Variants in DCSTAMP observed in about 807,000 individuals in gnomAD.
The protein encoded by DCSTAMP is dendritic cell-specific transmembrane protein.
Under a neutral mutation model 33.8 loss-of-function variants are expected in DCSTAMP, and 25 were observed. The observed-to-expected ratio is 0.74, with a 90% CI of 0.54 to 1.03. The LOEUF (loss-of-function observed/expected upper bound fraction) is 1.03, where lower values mean the gene tolerates loss of function less well. Ranked by LOEUF, DCSTAMP falls within the 50% of genes least tolerant of loss-of-function variation. The pLI is 0.00. For missense variants in DCSTAMP, 531 were observed against 556.8 expected, an observed-to-expected ratio of 0.95 and a Z score of 0.47; for synonymous variants, 245 against 216.7, an observed-to-expected ratio of 1.13 and a Z score of -1.15.
At chr8:104,340,936 C>G (rs1048416178) in intron 1 of DCSTAMP, among the ~76,000 whole-genome samples, 9 of 152,204 alleles carry the variant, frequency 5.9e-5, no homozygotes, top group Non-Finnish European at 8.8e-5. Flanking sequence ...CCTGGGGTGT[C>G]TGCAGACTAT....
chr8:104,355,808 C>T (rs755146377), intron 3 of DCSTAMP, among the ~76,000 whole-genome samples: 208 of 152,198 alleles, frequency 1.4e-3, no homozygotes, highest in Non-Finnish European at 2.6e-3. Context: ...AACGAATTTG[C>T]TTAATAGATG....
chr8:104,351,270 G>A (rs1435351921), intron 2 of DCSTAMP, among the ~76,000 whole-genome samples: 1 of 152,220 alleles, frequency 6.6e-6, no homozygotes, highest in African/African-American at 2.4e-5. Flanking sequence ...TTTAAACCCA[G>A]AAATTGCCAG....
chr8:104,351,356 C>T (rs914549226), intron 2 of DCSTAMP, among the ~76,000 whole-genome samples: 2 of 152,186 alleles, frequency 1.3e-5, no homozygotes, highest in African/African-American at 4.8e-5. Flanking sequence ...GGGTTAAGTA[C>T]ACTAGCCCAG....
chr8:104,353,198 C>T lies in DCSTAMP; in HGVS notation c.1030-1679C>T, dbSNP rs114305947. Among the ~76,000 whole-genome samples, 950 of 152,302 alleles carry T rather than the reference C, an allele frequency of 6.2e-3. 7 individuals carry two copies. The highest frequency in any genetic ancestry group is 0.022 in the African/African-American group (894 of 41,550). On this transcript the variant is annotated intron_variant, in intron 2 of 3. Transcript: ENST00000297581. ...TTAACTTTTCAGGACTGGCTGACAG[C>T]AGAGCCTGGCCTCCATTCATTGCTT...
Position 104,349,545 on chromosome 8 carries a change from G to T in DCSTAMP, c.993G>T (p.Leu331Phe). ...IFSVSKQFQS[L>F]PGFEVHLKLH... Reference sequence around the variant, plus strand: ...CAGTGAGCAAGCAGTTTCAAAGCTTGCCAGGGTTTGAGGTTCACTTGAAAC... The same window carrying T: ...CAGTGAGCAAGCAGTTTCAAAGCTTTCCAGGGTTTGAGGTTCACTTGAAAC... The change falls in exon 2 of 4, where the codon TTG becomes TTT. Residue 331 changes from leucine to phenylalanine, a missense_variant. Leu to Phe is a conservative substitution (Grantham distance 22). Transcript: ENST00000297581. The T allele has an allele frequency of 6.2e-7, 1 of 1,613,740 alleles. No individual in the cohort carries two copies. The highest frequency in any genetic ancestry group is 1.1e-5 in the South Asian group (1 of 90,940).
chr8:104,352,146 C>T (rs1035673828), intron 2 of DCSTAMP, among the ~76,000 whole-genome samples: 1 of 152,072 alleles, frequency 6.6e-6, no homozygotes, highest in Non-Finnish European at 1.5e-5. Flanking sequence ...GCCCCACTTG[C>T]CATTTCTCTC....
At position 104,349,428 on chromosome 8, in the gene DCSTAMP, C is replaced by T. The variant is rs1354858026; in HGVS notation, c.876C>T (p.Asn292=). The change falls in exon 2 of 4, where the codon AAC becomes AAT. Residue 292 remains asparagine (N), a synonymous_variant. Transcript: ENST00000297581. ...TFWPTPKERK[N]LGLFFLPILI... ...GGCCGACTCCTAAAGAAAGGAAAAA[C>T]CTGGGGCTGTTTTTCCTCCCCATAC... 1.6e-5 allele frequency: 26 copies of T among 1,614,026 alleles called. No homozygotes were observed. Among genetic ancestry groups the T allele is most frequent in the Non-Finnish European group, 2.1e-5 (25 of 1,180,022 alleles).
rs762635096 is a variant in DCSTAMP at position 104,349,067 on chromosome 8, C to G, written c.515C>G (p.Ala172Gly). 3.1e-6 allele frequency: 5 copies of G among 1,614,178 alleles called. No homozygotes were observed. The highest frequency in any genetic ancestry group is 4.2e-6 in the Non-Finnish European group (5 of 1,180,048). The change falls in exon 2 of 4, where the codon GCA becomes GGA. Residue 172 changes from alanine to glycine, a missense_variant. Transcript: ENST00000297581. Reference protein sequence around the residue: ...DDLVSWNQTLAVSLFSPSHVL... With the variant: ...DDLVSWNQTLGVSLFSPSHVL... ...CTTGTTTCTTGGAACCAGACCCTGG[C>G]AGTCTCTCTTTTCAGTCCCAGCCAT...
intron 1 of DCSTAMP, among the ~76,000 whole-genome samples, chr8:104,343,887 C>T (rs2099383413): frequency 6.6e-6 from 1 of 152,264 alleles, no homozygotes; most frequent in African/African-American, 2.4e-5. Context: ...GAACTTCCAG[C>T]CTCCACCACT....
At chr8:104,342,174 T>C (rs2099383008) in intron 1 of DCSTAMP, among the ~76,000 whole-genome samples, 1 of 152,140 alleles carries the variant, frequency 6.6e-6, no homozygotes, top group Non-Finnish European at 1.5e-5. Context: ...TGGAACTTGG[T>C]TTAAGCATGG....
In DCSTAMP at chr8:104,349,061, C is replaced by T; in HGVS notation, c.509C>T (p.Thr170Ile). 2 of 1,614,170 alleles carry T rather than the reference C, an allele frequency of 1.2e-6. No individual in the cohort carries two copies. Among genetic ancestry groups the T allele is most frequent in the Non-Finnish European group, 1.7e-6 (2 of 1,180,044 alleles). ...VFDDLVSWNQ[T>I]LAVSLFSPSH... is the part of the protein sequence containing the mutation. ...GATGACCTTGTTTCTTGGAACCAGA[C>T]CCTGGCAGTCTCTCTTTTCAGTCCC... The change falls in exon 2 of 4, where the codon ACC (threonine) becomes ATC (isoleucine). Residue 170 changes from threonine to isoleucine, a missense_variant. Transcript: ENST00000297581.
intron 1 of DCSTAMP, among the ~76,000 whole-genome samples, chr8:104,342,998 G>A (rs930899018): frequency 1.3e-5 from 2 of 152,254 alleles, no homozygotes; most frequent in African/African-American, 4.8e-5. Context: ...GCTGGCAGAG[G>A]AGGGGAGGAC....
At chr8:104,345,450 G>A (rs1200815365) in intron 1 of DCSTAMP, among the ~76,000 whole-genome samples, 1 of 152,186 alleles carries the variant, frequency 6.6e-6, no homozygotes, top group Admixed American at 6.5e-5. Flanking sequence ...TCCTCTCACT[G>A]CAGAAAGTTT....
chr8:104,348,023 T>C (rs995191127), intron 1 of DCSTAMP, among the ~76,000 whole-genome samples: 4 of 152,112 alleles, frequency 2.6e-5, no homozygotes, highest in Admixed American at 6.5e-5. Flanking sequence ...AAAGGGTCCA[T>C]GAGCCAGGAA....
intron 1 of DCSTAMP, among the ~76,000 whole-genome samples, chr8:104,340,992 G>A (rs2140464592): frequency 6.6e-6 from 1 of 152,356 alleles, no homozygotes; most frequent in South Asian, 2.1e-4. Context: ...CACAGGCAGA[G>A]TCAGAATGAA....
intron 3 of DCSTAMP, 114 bp downstream of exon 3, chr8:104,355,299 C>A: frequency 9.2e-7 from 1 of 1,083,936 alleles, no homozygotes; most frequent in Non-Finnish European, 1.3e-6. Flanking sequence ...GGGCTTGTAC[C>A]CCAGCAGTAG....
chr8:104,356,350 G>T lies in DCSTAMP; in HGVS notation c.*152G>T. 1.7e-6 allele frequency: 1 copy of T among 604,546 alleles called. No individual in the cohort carries two copies. Among genetic ancestry groups the T allele is most frequent in the East Asian group, 3.5e-5 (1 of 28,978 alleles). The allele number at this position is 604,546 out of a possible 1,614,324, so 37.4% of individuals were successfully genotyped here. A position where few individuals can be genotyped will look rare whatever the true frequency, so the allele number is the denominator to read the frequency against. ...GAGCCAACTTGCAGCACCTGGTTAT[G>T]CCTCCTTTCATCTCAAAGCCAAAGA... On this transcript the variant is annotated 3_prime_UTR_variant, in exon 4 of 4. Transcript: ENST00000297581.
At chr8:104,354,678 A>T (rs866835982) in intron 2 of DCSTAMP, among the ~76,000 whole-genome samples, 199 bp from the exon 3 acceptor site, 25 of 152,214 alleles carry the variant, frequency 1.6e-4, no homozygotes, top group African/African-American at 5.5e-4. Flanking sequence ...TTCAGAAAAC[A>T]CTGCAATAGT....
chr8:104,345,750 A>C (rs576977684), intron 1 of DCSTAMP, among the ~76,000 whole-genome samples: 1 of 152,374 alleles, frequency 6.6e-6, no homozygotes, highest in Admixed American at 6.5e-5. Context: ...AGGAAGCAAA[A>C]TGGTGCCTCA....
Sources: gnomAD v4.1 joint callset for allele counts (sites outside exome capture counted in the v4.1 genomes callset) on GRCh38, gnomAD v4.1.1 for gene constraint, MANE v1.5 for transcripts, NCBI Gene and HGNC (gene_info 2026-07-23, HGNC 2026-07-21) for gene names.